The following CP variants were observed in gnomAD, a reference collection of about 807,000 sequenced individuals.
CP encodes caeruloplasmin.
A neutral mutation model predicts 122.4 loss-of-function variants in CP; 64 were observed. That is an observed-to-expected ratio of 0.52 (90% CI 0.43 to 0.64). The LOEUF (loss-of-function observed/expected upper bound fraction) is 0.64. Ranked by LOEUF, CP falls within the 30% of genes least tolerant of loss-of-function variation. CP has a pLI of 0.00. For synonymous variants in CP, 440 were observed against 436.4 expected (o/e 1.01, Z -0.10); for missense variants, 1,167 against 1,284.4 (o/e 0.91, Z 1.40).
Position 149,162,478 on chromosome 3 carries a change from A to G in CP, c.*411T>C, listed in dbSNP as rs532818793. 5.6e-6 allele frequency: 5 copies of G among 886,988 alleles called. No homozygotes were observed. In the South Asian group the frequency reaches 7.2e-5, roughly 13 times the overall value. The allele number at this position is 886,988 out of a possible 1,614,324, so 54.9% of individuals were successfully genotyped here. A position where few individuals can be genotyped will look rare whatever the true frequency, so the allele number is the denominator to read the frequency against. On this transcript the variant is annotated 3_prime_UTR_variant, in exon 6 of 6. Coordinates refer to the CP transcript ENST00000479771. ...AATCAGTTTATAAGATAAAAGTACT[A>G]ATTAAAAGACTATATCTGTAGAAAC...
intron 18 of CP, among the ~76,000 whole-genome samples, chr3:149,174,336 C>T (rs563264262): frequency 2.0e-5 from 3 of 152,112 alleles, no homozygotes; most frequent in Non-Finnish European, 4.4e-5. Context: ...TTTCTAATTT[C>T]GATCATTGTA....
Position 149,163,889 on chromosome 3 carries a change from C to G in CP, c.*14-1014G>C. The G allele has an allele frequency of 6.3e-7, 1 of 1,586,114 alleles. No homozygotes were observed. The highest frequency in any genetic ancestry group is 8.7e-7 in the Non-Finnish European group (1 of 1,154,654). On this transcript the variant is annotated intron_variant, in intron 5 of 5. Transcript: ENST00000479771. ...GCTTAATTTATCCATGGGTTCACGT[C>G]GTAATATCATCTGATTCTTTAGCTG...
At chr3:149,171,498 G>A (rs181644620), downstream of CP, among the ~76,000 whole-genome samples, 1 of 152,142 alleles carries the variant, frequency 6.6e-6, no homozygotes, top group East Asian at 1.9e-4. Flanking sequence ...CTTTTCTTTA[G>A]AGGATAGTAG....
chr3:149,162,712 A>G lies in CP; in HGVS notation c.*177T>C. 1 of 1,614,020 alleles carries G rather than the reference A, an allele frequency of 6.2e-7. No homozygotes were observed. Among genetic ancestry groups the G allele is most frequent in the Non-Finnish European group, 8.5e-7 (1 of 1,179,942 alleles). On this transcript the variant is annotated 3_prime_UTR_variant, in exon 6 of 6. Transcript: ENST00000479771. Reference sequence around the variant, plus strand: ...AAGGTGCTTTGTGCTAAGGATGAAGATACAATTCCTCAGCTCTTGGTAGAC... The same window carrying G: ...AAGGTGCTTTGTGCTAAGGATGAAGGTACAATTCCTCAGCTCTTGGTAGAC...
chr3:149,176,446 T>C (rs764253110), intron 17 of CP, 34 bp from the exon 18 acceptor site: 3 of 1,495,404 alleles, frequency 2.0e-6, no homozygotes, highest in Non-Finnish European at 2.8e-6. Flanking sequence ...ATGTATAATA[T>C]TGTATATGAG....
downstream of CP, chr3:149,172,275 TTGAA>T (rs1725073084): frequency 6.6e-7 from 1 of 1,523,526 alleles, no homozygotes; most frequent in Non-Finnish European, 9.0e-7. Flanking sequence ...TTTCTAAAAA[TTGAA>T]TGCCAAAGTA....
chr3:149,213,694 A>G (rs1433852669), intron 1 of CP, among the ~76,000 whole-genome samples: 1 of 149,840 alleles, frequency 6.7e-6, no homozygotes, highest in African/African-American at 2.5e-5. Flanking sequence ...CATCTTATTG[A>G]TCTTTGATAC....
intron 14 of CP, among the ~76,000 whole-genome samples, chr3:149,180,657 C>T (rs753387652): frequency 1.3e-5 from 2 of 152,186 alleles, no homozygotes; most frequent in Non-Finnish European, 1.5e-5. Context: ...TTCTTCAAGC[C>T]TCAGTCTGAG....
chr3:149,215,805 T>C (rs1267054428), intron 1 of CP, among the ~76,000 whole-genome samples: 4 of 152,196 alleles, frequency 2.6e-5, no homozygotes, highest in Non-Finnish European at 5.9e-5. Flanking sequence ...TTGACAACTG[T>C]AGTATGTTCC....
intron 5 of CP, 92 bp downstream of exon 5, chr3:149,207,271 C>G: frequency 6.6e-7 from 1 of 1,510,200 alleles, no homozygotes. Context: ...GTTCAAAGCT[C>G]AGATTATTTC....
chr3:149,185,590 A>G, intron 11 of CP, 144 bp from the exon 12 acceptor site: 1 of 729,384 alleles, frequency 1.4e-6, no homozygotes, highest in Non-Finnish European at 2.2e-6. Context: ...TGCTCCATCC[A>G]TCCTTTTGCT....
downstream of CP, among the ~76,000 whole-genome samples, chr3:149,169,986 A>T (rs558908165): frequency 6.6e-6 from 1 of 152,306 alleles, no homozygotes; most frequent in Middle Eastern, 3.4e-3. Context: ...AGTGGAGTAG[A>T]GCAAGTAATT....
At chr3:149,204,535 C>T (rs1727571718) in intron 6 of CP, among the ~76,000 whole-genome samples, 2 of 152,144 alleles carry the variant, frequency 1.3e-5, no homozygotes, top group African/African-American at 2.4e-5. Flanking sequence ...GGAGACGCAG[C>T]GTTGGGAGTA....
chr3:149,206,421 T>A, intron 5 of CP, 82 bp from the exon 6 acceptor site: 1 of 1,500,834 alleles, frequency 6.7e-7, no homozygotes, highest in Non-Finnish European at 9.3e-7. Context: ...GCTCGGGTGA[T>A]GACAAGTAGA....
At chr3:149,210,145 G>A (rs1209202995) in intron 3 of CP, 22 bp downstream of exon 3, 4 of 1,608,720 alleles carry the variant, frequency 2.5e-6, no homozygotes, top group Non-Finnish European at 3.4e-6. Context: ...CATATAGCAT[G>A]TGCAATAAGG....
In CP at chr3:149,173,238, CTATTTTATT is replaced by C. The variant is rs1559932072; in HGVS notation, c.*467_*475del. 1 of 152,640 alleles carries C rather than the reference CTATTTTATT, an allele frequency of 6.6e-6. No individual in the cohort carries two copies. Among genetic ancestry groups the C allele is most frequent in the South Asian group, 2.1e-4 (1 of 4,834 alleles). 9.5% of individuals were successfully genotyped at this position (152,640 alleles called of 1,614,324 possible). On this transcript the variant is annotated 3_prime_UTR_variant, in exon 19 of 19. Transcript: ENST00000264613. ...TCACAAAACTCAAATTTGTGTCATTCTATTTTATTTATTTTATTTTTTATTTCCTTCCCT... is the reference window on the plus strand; with the variant it reads ...TCACAAAACTCAAATTTGTGTCATTCTATTTTATTTTTTATTTCCTTCCCT...
At chr3:149,203,137 A>G (rs1429200467) in intron 6 of CP, among the ~76,000 whole-genome samples, 2 of 151,946 alleles carry the variant, frequency 1.3e-5, no homozygotes, top group Admixed American at 1.3e-4. Context: ...CGATCTCCTG[A>G]CCTCAGTGAT....
At chr3:149,213,971 C>T (rs779528952) in intron 1 of CP, among the ~76,000 whole-genome samples, 34 of 152,304 alleles carry the variant, frequency 2.2e-4, no homozygotes, top group Non-Finnish European at 4.0e-4. Context: ...GAAATGCAAA[C>T]TCCTGGGACA....
intron 4 of CP, chr3:149,166,146 A>T (rs1724392743): frequency 2.6e-6 from 1 of 389,750 alleles, no homozygotes; most frequent in Non-Finnish European, 5.1e-6. Flanking sequence ...TTGGTGGTAG[A>T]ATCAAAAGTA....
Sources: gnomAD v4.1 joint callset for allele counts (sites outside exome capture counted in the v4.1 genomes callset) on GRCh38, gnomAD v4.1.1 for gene constraint, MANE v1.5 for transcripts, NCBI Gene and HGNC (gene_info 2026-07-23, HGNC 2026-07-21) for gene names.